Variants in PLEKHA4 observed in about 807,000 individuals in gnomAD.
The protein encoded by PLEKHA4 is pleckstrin homology domain containing A4, also known as pleckstrin homology domain-containing family A member 4.
PLEKHA4 carries 73 observed loss-of-function variants against 94.7 expected under a neutral mutation model. The observed-to-expected ratio is 0.77, with a 90% CI of 0.64 to 0.94. The LOEUF is 0.94. Among genes scored for constraint, PLEKHA4 ranks in the 40% least tolerant of loss-of-function variants. The pLI is 0.00. For missense variants in PLEKHA4, 1,049 were observed against 1,054.1 expected (o/e 1.00, Z 0.07); for synonymous variants, 449 against 437.1 (o/e 1.03, Z -0.34).
At chr19:48,861,966 TA>T (rs1036772155) in intron 3 of PLEKHA4, among the ~76,000 whole-genome samples, 68 of 144,364 alleles carry the variant, frequency 4.7e-4, no homozygotes, top group East Asian at 2.0e-3. Flanking sequence ...TCTCTACTAC[TA>T]AAAAAAAAAA....
At chr19:48,844,844 TG>T (rs1288879838) in intron 16 of PLEKHA4, among the ~76,000 whole-genome samples, 1 of 144,810 alleles carries the variant, frequency 6.9e-6, no homozygotes, top group Non-Finnish European at 1.5e-5. Flanking sequence ...GACAGATTTT[TG>T]CTCTTGTCGC....
intron 12 of PLEKHA4, 30 bp downstream of exon 12, chr19:48,853,652 A>G: frequency 6.7e-7 from 1 of 1,491,572 alleles, no homozygotes; most frequent in East Asian, 2.4e-5. Flanking sequence ...GGGGCCTCCT[A>G]GGAGGGCAGG....
intron 17 of PLEKHA4, among the ~76,000 whole-genome samples, chr19:48,840,528 C>T (rs563137785): frequency 4.0e-5 from 6 of 150,772 alleles, no homozygotes; most frequent in Admixed American, 1.3e-4. Context: ...TGGGTTCAAG[C>T]GATTCTCCTG....
In PLEKHA4 at chr19:48,837,631, C is replaced by T. The variant is rs2035584251; in HGVS notation, c.2078-80G>A. 2 of 1,531,250 alleles carry T rather than the reference C, an allele frequency of 1.3e-6. No individual in the cohort carries two copies. Among genetic ancestry groups the T allele is most frequent in the Middle Eastern group, 4.4e-4 (2 of 4,504 alleles). 94.9% of individuals were successfully genotyped at this position (1,531,250 alleles called of 1,614,324 possible). On this transcript the variant is annotated intron_variant, in intron 19 of 19. Coordinates refer to ENST00000263265, the MANE Select transcript of PLEKHA4 (RefSeq NM_020904.3). The surrounding 1 kb of genome is among the most constrained non-coding windows in gnomAD (Gnocchi z 4.3). ...ATTCCCAGCCCCTCCTCCCTCAGAC[C>T]CAGGACTCCGGATTCCCAGCCCCTC...
At chr19:48,838,681 C>A (rs1196459921) in intron 18 of PLEKHA4, among the ~76,000 whole-genome samples, 1 of 148,788 alleles carries the variant, frequency 6.7e-6, no homozygotes, top group Non-Finnish European at 1.5e-5. Flanking sequence ...GAAGGAGAAT[C>A]ATTTGAACCC....
rs1417575782 is a variant in PLEKHA4, at chr19:48,867,754, G to A, written c.-6-128C>T. On this transcript the variant is annotated intron_variant, in intron 1 of 19. Coordinates refer to ENST00000263265, the MANE Select transcript of PLEKHA4 (RefSeq NM_020904.3). The surrounding 1 kb of genome is among the most constrained non-coding windows in gnomAD (Gnocchi z 4.7). The stretch of plus-strand genomic sequence containing the variant: ...TGTTGTTTCGGGACTTGGGGGGCTG[G>A]GGGAGGCCATGGCCCGTGACCACAT... The A allele has an allele frequency of 2.3e-6, 2 of 885,814 alleles. No individual in the cohort carries two copies. The highest frequency in any genetic ancestry group is 3.5e-6 in the Non-Finnish European group (2 of 574,226). The allele number at this position is 885,814 out of a possible 1,614,324, so 54.9% of individuals were successfully genotyped here.
In PLEKHA4 at chr19:48,837,932, A is replaced by G. The variant is rs2035600382; in HGVS notation, c.2077+85T>C. On this transcript the variant is annotated intron_variant, in intron 19 of 19. Transcript: ENST00000263265. This position sits in a 1 kb window ranked among gnomAD's most constrained non-coding sequence, Gnocchi z 4.3. ...ATAAAAAATTCTCACCGGCCCCCAG[A>G]CCCCTCCTCTCCAGGACCTGGGATT... 2 of 1,134,076 alleles carry G rather than the reference A, an allele frequency of 1.8e-6. No homozygotes were observed. The highest frequency in any genetic ancestry group is 1.3e-5 in the South Asian group (1 of 74,350). The allele number at this position is 1,134,076 out of a possible 1,614,324, so 70.3% of individuals were successfully genotyped here. A position where few individuals can be genotyped will look rare whatever the true frequency, so the allele number is the denominator to read the frequency against.
chr19:48,837,303 G>A lies in PLEKHA4; in HGVS notation c.2326C>T (p.Gln776Ter), dbSNP rs771070432. Residue 776 changes from glutamine (Q) to a stop codon, truncating the protein, a stop_gained, in exon 20 of 20, where the codon CAA (glutamine) becomes TAA (stop). Transcript: ENST00000263265. LOFTEE classifies it high-confidence loss of function. This position sits in a 1 kb window ranked among gnomAD's most constrained non-coding sequence, Gnocchi z 4.3. The stretch of plus-strand genomic sequence containing the variant: ...TTTTGGGCGGATTAGAAGCTGGATT[G>A]TAGCAGAGTGACTCGCAGAGGCCAT... ...GAWPLRVTLL[Q>*]SSF 5.6e-6 allele frequency: 9 copies of A among 1,613,984 alleles called. No individual in the cohort carries two copies. Among genetic ancestry groups the A allele is most frequent in the Admixed American group, 1.7e-5 (1 of 60,004 alleles).
Position 48,852,210 on chromosome 19 carries a change from C to T in PLEKHA4, c.1425+18G>A, listed in dbSNP as rs1413413706. Reference sequence around the variant, plus strand: ...TGGAGTTGGGGGTGGGTCTTGGGGTCTCCAAGCAGCGATTTACCTGGGGAG... The same window carrying T: ...TGGAGTTGGGGGTGGGTCTTGGGGTTTCCAAGCAGCGATTTACCTGGGGAG... On this transcript the variant is annotated intron_variant, in intron 13 of 19. Coordinates refer to ENST00000263265, the MANE Select transcript of PLEKHA4 (RefSeq NM_020904.3). 1 of 1,606,360 alleles carries T rather than the reference C, an allele frequency of 6.2e-7. No homozygotes were observed. The highest frequency in any genetic ancestry group is 2.2e-5 in the East Asian group (1 of 44,852).
intron 12 of PLEKHA4, 104 bp from the exon 13 acceptor site, chr19:48,852,430 C>G: frequency 1.2e-6 from 1 of 841,856 alleles, no homozygotes; most frequent in East Asian, 2.6e-5. Context: ...GAGTTTGGTC[C>G]CTGGAGCCCT....
chr19:48,847,279 A>G (rs912674950), intron 14 of PLEKHA4, among the ~76,000 whole-genome samples: 1 of 151,988 alleles, frequency 6.6e-6, no homozygotes, highest in Admixed American at 6.6e-5. Context: ...TAAACAAACA[A>G]CCAAAAATTA....
In PLEKHA4 at chr19:48,852,129, G is replaced by A. The variant is rs563785137; in HGVS notation, c.1425+99C>T. The A allele has an allele frequency of 2.6e-5, 23 of 892,736 alleles. No homozygotes were observed. In the African/African-American group the frequency reaches 3.1e-4, roughly 12 times the overall value. 55.3% of individuals were successfully genotyped at this position (892,736 alleles called of 1,614,324 possible). ...AAAGGAGGCTAAGGGTCAACTGGGCGGGGCCTCGATTCTGTGGGCGAAGAT... is the reference window on the plus strand; with the variant it reads ...AAAGGAGGCTAAGGGTCAACTGGGCAGGGCCTCGATTCTGTGGGCGAAGAT... On this transcript the variant is annotated intron_variant, in intron 13 of 19. Coordinates refer to ENST00000263265, the MANE Select transcript of PLEKHA4 (RefSeq NM_020904.3).
At position 48,861,708 on chromosome 19, in the gene PLEKHA4, G is replaced by A; in HGVS notation, c.193-16C>T. ...CCGAGCTGTCCTGGGGAGAGAGATGGGAGGAGGGGCCTGAGTAAAGGGAAA... is the reference window on the plus strand; with the variant it reads ...CCGAGCTGTCCTGGGGAGAGAGATGAGAGGAGGGGCCTGAGTAAAGGGAAA... On this transcript the variant is annotated splice_polypyrimidine_tract_variant and intron_variant, in intron 3 of 19. Coordinates refer to ENST00000263265, the MANE Select transcript of PLEKHA4 (RefSeq NM_020904.3). The A allele has an allele frequency of 3.1e-6, 5 of 1,609,080 alleles. No individual in the cohort carries two copies. Among genetic ancestry groups the A allele is most frequent in the Non-Finnish European group, 4.3e-6 (5 of 1,175,434 alleles).
At position 48,863,190 on chromosome 19, in the gene PLEKHA4, G is replaced by C. The variant is rs539183317; in HGVS notation, c.193-1498C>G. ...TCACGTGAGTCCCCTTTTCAAAACA[G>C]AGAATTAAGAACACTTGAAATTCAG... is the stretch of plus-strand genomic sequence containing the variant. On this transcript the variant is annotated intron_variant, in intron 3 of 19. Transcript: ENST00000263265. Among the ~76,000 whole-genome samples, 5 of 152,260 alleles carry C rather than the reference G, an allele frequency of 3.3e-5. No homozygotes were observed. In the East Asian group the frequency reaches 9.6e-4, roughly 29 times the overall value.
chr19:48,841,333 A>G (rs1164124085), intron 16 of PLEKHA4, 23 bp from the exon 17 acceptor site: 2 of 1,583,954 alleles, frequency 1.3e-6, no homozygotes, highest in East Asian at 2.2e-5. Context: ...GAAACGTCCC[A>G]AGACCCAACC....
intron 18 of PLEKHA4, among the ~76,000 whole-genome samples, chr19:48,838,945 C>T (rs963054225): frequency 6.6e-6 from 1 of 151,900 alleles, no homozygotes. Context: ...ATTTGTAGTC[C>T]ACTCGCGCGT....
At chr19:48,858,195 G>A (rs950119478) in intron 8 of PLEKHA4, among the ~76,000 whole-genome samples, 3 of 152,106 alleles carry the variant, frequency 2.0e-5, no homozygotes, top group Non-Finnish European at 4.4e-5. Flanking sequence ...CTGAGCTACC[G>A]TCCCATGATG....
rs756926315 is a variant in PLEKHA4 at position 48,861,400 on chromosome 19, C to G, written c.366+1G>C. On this transcript the variant is annotated splice_donor_variant, in intron 5 of 19. Transcript: ENST00000263265. LOFTEE classifies it high-confidence loss of function. ...TGCACAACATGGATGGATGGACTCA[C>G]GGTGAAGGTGAAGCGCCGCCCTCGG... The G allele has an allele frequency of 6.2e-7, 1 of 1,612,144 alleles. No homozygotes were observed. Among genetic ancestry groups the G allele is most frequent in the Non-Finnish European group, 8.5e-7 (1 of 1,179,010 alleles).
intron 3 of PLEKHA4, 44 bp from the exon 4 acceptor site, chr19:48,861,736 G>A (rs1349457634): frequency 3.9e-6 from 6 of 1,537,316 alleles, no homozygotes; most frequent in Non-Finnish European, 5.4e-6. Context: ...AAGGGAAACA[G>A]AAAAAGGGGA....
Sources: allele counts gnomAD v4.1 joint callset (sites outside exome capture counted in the v4.1 genomes callset), GRCh38; gene constraint gnomAD v4.1.1; non-coding constraint Gnocchi (gnomAD v3.1); transcripts MANE v1.5; gene names NCBI Gene and HGNC (gene_info 2026-07-23, HGNC 2026-07-21).